Variants in RNF17 observed in about 807,000 individuals in gnomAD.
The protein encoded by RNF17 is spermatogenesis associated 23.
A neutral mutation model predicts 200.5 loss-of-function variants in RNF17; 31 were observed. The observed-to-expected ratio is 0.15, with a 90% CI of 0.12 to 0.21. The LOEUF (loss-of-function observed/expected upper bound fraction) is 0.21, where lower values mean the gene tolerates loss of function less well. Among genes scored for constraint, RNF17 ranks in the 10% least tolerant of loss-of-function variants. The pLI, the probability that RNF17 is intolerant of heterozygous loss-of-function variation, is 1.00. For missense variants in RNF17, 1,628 were observed against 1,905.1 expected (o/e 0.85, Z 2.71); for synonymous variants, 606 against 637.8 (o/e 0.95, Z 0.75).
At chr13:24,785,867 G>A (rs902503827) in intron 6 of RNF17, among the ~76,000 whole-genome samples, 10 of 152,122 alleles carry the variant, frequency 6.6e-5, no homozygotes, top group Non-Finnish European at 1.0e-4. Flanking sequence ...TTATCGGCAT[G>A]TATTATCTTT....
rs539129646 is a variant in RNF17, at chr13:24,852,288, G to A, written c.3320+717G>A. ...TGAGTAGCTGGGACTACAGGTGGCC[G>A]CCACCTCGCCTGGCTAATTTTTTGT... On this transcript the variant is annotated intron_variant, in intron 24 of 35. Transcript: ENST00000255324. 1.5e-4 allele frequency among the ~76,000 whole-genome samples: 23 copies of A among 152,112 alleles called. No homozygotes were observed. The East Asian group carries it at 2.3e-3, about 15-fold the overall frequency.
intron 25 of RNF17, among the ~76,000 whole-genome samples, chr13:24,854,507 G>A (rs1335451187): frequency 6.7e-6 from 1 of 148,996 alleles, no homozygotes; most frequent in African/African-American, 2.6e-5. Context: ...TGGCATTAAA[G>A]TAAAGAACAT....
rs1157728983 is a variant in RNF17, at chr13:24,859,060, T to A, written c.3670T>A (p.Leu1224Met). ...IQSNLKCLGLLEPYFWKKGEA... is the reference protein window; with the variant it reads ...IQSNLKCLGLMEPYFWKKGEA... ...AAGTAATTTAAAATGCCTTGGTCTT[T>A]TGGAGCCTTATTTCTGGAAAAAAGG... Residue 1224 changes from leucine (L) to methionine (M), a missense_variant, in exon 26 of 36, where the codon TTG becomes ATG. Leu to Met is a conservative substitution (Grantham distance 15). Around this residue, in one of 5 missense-constraint regions of RNF17, gnomAD observed 609 missense variants for 681.9 expected, o/e 0.89. Coordinates refer to ENST00000255324, the MANE Select transcript of RNF17 (RefSeq NM_031277.3). 6.2e-7 allele frequency: 1 copy of A among 1,609,534 alleles called. No individual in the cohort carries two copies. Among genetic ancestry groups the A allele is most frequent in the Admixed American group, 1.7e-5 (1 of 59,912 alleles).
Position 24,868,622 on chromosome 13 carries a change from A to T in RNF17, c.4184A>T (p.Asp1395Val). ...TAGGAATTGCTTTCGGCTGAAACAG[A>T]CACTCCTCTTTTACCACCATATTTG... is the stretch of plus-strand genomic sequence containing the variant. ...RFEELLSAET[D>V]TPLLPPYLSS... Residue 1395 changes from aspartate (D) to valine (V), a missense_variant, in exon 31 of 36, where the codon GAC becomes GTC. By Grantham distance (152) the Asp-to-Val change is radical. Coordinates refer to ENST00000255324, the MANE Select transcript of RNF17 (RefSeq NM_031277.3). 6.2e-7 allele frequency: 1 copy of T among 1,605,520 alleles called. No homozygotes were observed. Among genetic ancestry groups the T allele is most frequent in the African/African-American group, 1.3e-5 (1 of 74,826 alleles).
At chr13:24,813,141 A>G (rs1310328228) in intron 15 of RNF17, among the ~76,000 whole-genome samples, 1 of 151,078 alleles carries the variant, frequency 6.6e-6, no homozygotes, top group Admixed American at 6.6e-5. Context: ...TATTTTTTTA[A>G]ATGTTTAAAA....
At chr13:24,808,207 A>T (rs1886135080) in intron 15 of RNF17, among the ~76,000 whole-genome samples, 1 of 151,846 alleles carries the variant, frequency 6.6e-6, no homozygotes, top group Non-Finnish European at 1.5e-5. Context: ...CTTGATGGGG[A>T]TGGCATTGAA....
chr13:24,796,171 A>G lies in RNF17; in HGVS notation c.1275A>G (p.Ile425Met), dbSNP rs890968047. 1.2e-6 allele frequency: 2 copies of G among 1,612,232 alleles called. No homozygotes were observed. Among genetic ancestry groups the G allele is most frequent in the Non-Finnish European group, 1.7e-6 (2 of 1,178,954 alleles). ...SAELVFVSHV[I>M]DPCHFYIRKY... The stretch of plus-strand genomic sequence containing the variant: ...AGCTAGTTTTTGTAAGCCATGTAAT[A>G]GATCCTTGCCATTTCTACATTCGGA... Residue 425 changes from isoleucine (I) to methionine (M), a missense_variant, in exon 11 of 36, where the codon ATA (isoleucine) becomes ATG (methionine). This residue lies in a region of RNF17 where 502 missense variants were observed against 501.7 expected (regional missense o/e 1.00). Coordinates refer to ENST00000255324, the MANE Select transcript of RNF17 (RefSeq NM_031277.3).
rs1186678690 is a variant in RNF17, at chr13:24,842,125, A to G, written c.2567A>G (p.Gln856Arg). ...PEMTTTSIND[Q>R]LVKEGLASYE... ...ATGACTACTACTAGTATTAATGACC[A>G]GCTAGTTAAAGAGGGCCTAGCATCT... is the stretch of plus-strand genomic sequence containing the variant. The change falls in exon 19 of 36, where the codon CAG (glutamine) becomes CGG (arginine). Residue 856 changes from glutamine (Q) to arginine (R), a missense_variant. Around this residue, in one of 5 missense-constraint regions of RNF17, gnomAD observed 227 missense variants for 319.8 expected, o/e 0.71. Transcript: ENST00000255324. 4 of 1,609,908 alleles carry G rather than the reference A, an allele frequency of 2.5e-6. No individual in the cohort carries two copies. The highest frequency in any genetic ancestry group is 3.4e-6 in the Non-Finnish European group (4 of 1,177,032).
At chr13:24,749,949 G>A in the RNF17 span, among the ~76,000 whole-genome samples, 27 of 151,902 alleles carry the variant, frequency 1.8e-4, no homozygotes, top group African/African-American at 4.4e-4. Context: ...ACGGAGTTTC[G>A]CCGTGTTGGT....
the RNF17 span, among the ~76,000 whole-genome samples, chr13:24,755,493 C>T: frequency 6.6e-6 from 1 of 152,162 alleles, no homozygotes; most frequent in African/African-American, 2.4e-5. Flanking sequence ...TAATCAAGAA[C>T]ATATAAGTAT....
intron 15 of RNF17, among the ~76,000 whole-genome samples, chr13:24,822,249 G>A (rs1173704465): frequency 6.6e-6 from 1 of 152,086 alleles, no homozygotes; most frequent in Admixed American, 6.6e-5. Flanking sequence ...GGAGGATGGA[G>A]CCGCCATTTT....
In RNF17 at chr13:24,764,197, G is replaced by C; in HGVS notation, c.-7G>C. 1 of 1,581,036 alleles carries C rather than the reference G, an allele frequency of 6.3e-7. No individual in the cohort carries two copies. On this transcript the variant is annotated 5_prime_UTR_variant, in exon 1 of 36. Transcript: ENST00000255324. ...CTCGGCGGTTGTTCCAGAAGAAAGA[G>C]ACAGCGATGGCGGCAGAGGCTTCGA...
Position 24,831,523 on chromosome 13 carries a change from ATCT to A in RNF17, c.2362-331_2362-329del, listed in dbSNP as rs1223044962. Among the ~76,000 whole-genome samples, 3 of 152,360 alleles carry A rather than the reference ATCT, an allele frequency of 2.0e-5. No individual in the cohort carries two copies. The East Asian group carries it at 5.8e-4, about 29-fold the overall frequency. On this transcript the variant is annotated intron_variant, in intron 17 of 35. Coordinates refer to ENST00000255324, the MANE Select transcript of RNF17 (RefSeq NM_031277.3). ...TTTTGATATCTGTACTTCCAGATAC[ATCT>A]TCTGTGCTTTCAGCAGTTATAGAAT... is the stretch of plus-strand genomic sequence containing the variant.
In RNF17 at chr13:24,800,454, C is replaced by A; in HGVS notation, c.1678C>A (p.Pro560Thr). 1 of 1,613,358 alleles carries A rather than the reference C, an allele frequency of 6.2e-7. No homozygotes were observed. The highest frequency in any genetic ancestry group is 8.5e-7 in the Non-Finnish European group (1 of 1,179,558). The change falls in exon 13 of 36, where the codon CCA (proline) becomes ACA (threonine). Residue 560 changes from proline (P) to threonine (T), a missense_variant. Physicochemically the swap from Pro to Thr is conservative, Grantham distance 38. This residue lies in a region of RNF17 where 289 missense variants were observed against 384.9 expected (regional missense o/e 0.75). Transcript: ENST00000255324. ...DLCLVLRKSE[P>T]YTEGLLKDIQ... The stretch of plus-strand genomic sequence containing the variant: ...ATGTCTGGTTCTAAGGAAATCTGAA[C>A]CATATACTGAAGGGCTGCTAAAAGA...
chr13:24,764,599 G>A (rs1048563855), intron 1 of RNF17, among the ~76,000 whole-genome samples: 2 of 152,206 alleles, frequency 1.3e-5, no homozygotes, highest in Non-Finnish European at 2.9e-5. Flanking sequence ...ATGGGGGCCC[G>A]GGTGGCTTTA....
At chr13:24,809,449 C>G (rs1370329374) in intron 15 of RNF17, among the ~76,000 whole-genome samples, 4 of 152,152 alleles carry the variant, frequency 2.6e-5, no homozygotes, top group Non-Finnish European at 5.9e-5. Flanking sequence ...GTAGTATTCT[C>G]TGATGGTAGT....
chr13:24,761,717 T>C (rs1292316701), upstream of RNF17, among the ~76,000 whole-genome samples: 3 of 152,224 alleles, frequency 2.0e-5, no homozygotes, highest in East Asian at 5.8e-4. Flanking sequence ...CAACCTAAAT[T>C]GAATGTTAAG....
intron 28 of RNF17, 98 bp from the exon 29 acceptor site, chr13:24,864,775 A>G (rs1393016026): frequency 1.5e-5 from 13 of 883,942 alleles, no homozygotes; most frequent in African/African-American, 1.2e-4. Flanking sequence ...TCTAGTTAAT[A>G]CTATGATTGT....
Position 24,783,966 on chromosome 13 carries a change from G to A in RNF17, c.611+2022G>A, listed in dbSNP as rs183165671. Among the ~76,000 whole-genome samples, 197 of 152,284 alleles carry A rather than the reference G, an allele frequency of 1.3e-3. 1 individual carries two copies. Among genetic ancestry groups the A allele is most frequent in the African/African-American group, 4.6e-3 (192 of 41,560 alleles). ...TCTTGTGCCTAATGTTATAAGAAAA[G>A]CTTTCAGTCTTCACCATTGAATATC... On this transcript the variant is annotated intron_variant, in intron 6 of 35. Transcript: ENST00000255324.
Sources: allele counts gnomAD v4.1 joint callset (sites outside exome capture counted in the v4.1 genomes callset), GRCh38; gene constraint gnomAD v4.1.1; regional missense constraint gnomAD v4.1.1; transcripts MANE v1.5; gene names NCBI Gene and HGNC (gene_info 2026-07-23, HGNC 2026-07-21).